DYSF: variants seen among roughly 807,000 people sequenced by gnomAD.
DYSF encodes dysferlin, also known as dystrophy-associated fer-1-like 1.
Under a neutral mutation model 274.9 loss-of-function variants are expected in DYSF, and 212 were observed. The ratio of observed to expected loss-of-function variants is 0.77; its 90% confidence interval spans 0.69 to 0.86. The LOEUF (loss-of-function observed/expected upper bound fraction) is 0.86. DYSF is among the 40% of genes least tolerant of loss of function. DYSF has a pLI of 0.00. For synonymous variants in DYSF, 1,091 were observed against 1,078.7 expected (o/e 1.01, Z -0.22); for missense variants, 2,666 against 2,783.2 (o/e 0.96, Z 0.95).
intron 22 of DYSF, among the ~76,000 whole-genome samples, chr2:71,561,396 AC>A (rs149073930): frequency 6.6e-6 from 1 of 151,942 alleles, no homozygotes; most frequent in Non-Finnish European, 1.5e-5. Flanking sequence ...CAGGAGCAGG[AC>A]CCCCTGGGCC....
In DYSF at chr2:71,456,070, C is replaced by A. The variant is rs546957710; in HGVS notation, c.88+1984C>A. ...GGCCTGTGTGTGGAGCAGCTCCCCC[C>A]ATCCTGCATCCTCCCATTTACACAT... is the stretch of plus-strand genomic sequence containing the variant. On this transcript the variant is annotated intron_variant, in intron 1 of 54. Coordinates refer to the DYSF transcript ENST00000258104. Among the ~76,000 whole-genome samples the A allele has an allele frequency of 2.0e-3, 302 of 152,264 alleles. 1 individual carries two copies. Among genetic ancestry groups the A allele is most frequent in the African/African-American group, 6.9e-3 (288 of 41,548 alleles).
chr2:71,574,236 C>T lies in DYSF; in HGVS notation c.3267C>T (p.Tyr1089=), dbSNP rs150355624. 1.8e-4 allele frequency: 296 copies of T among 1,613,906 alleles called. 2 individuals carry two copies. The East Asian group carries it at 4.0e-3, about 22-fold the overall frequency. Residue 1089 remains tyrosine, a synonymous_variant, in exon 30 of 56, where the codon TAC becomes TAT. Coordinates refer to ENST00000410020, the MANE Select transcript of DYSF (RefSeq NM_001130987.2). ...QAEAEGEGWE[Y]ASLFGWKFHL... ...AGGCGGAGGGCGAGGGCTGGGAGTA[C>T]GCCTCTCTTTTTGGCTGGAAGTTCC...
chr2:71,554,650 G>A (rs34733458), intron 21 of DYSF, among the ~76,000 whole-genome samples: 2 of 152,222 alleles, frequency 1.3e-5, no homozygotes, highest in African/African-American at 2.4e-5. Flanking sequence ...AGGCCTTGGT[G>A]GCCGACTGGA....
Position 71,667,399 on chromosome 2 carries a change from C to T in DYSF, c.5341C>T (p.His1781Tyr), listed in dbSNP as rs776911222. The change falls in exon 48 of 56, where the codon CAC becomes TAC. Residue 1781 changes from histidine (H) to tyrosine (Y), a missense_variant. By Grantham distance (83) the His-to-Tyr change is moderately conservative. This residue lies in a region of DYSF where 1,460 missense variants were observed against 1,502.1 expected (regional missense o/e 0.97). Coordinates refer to ENST00000410020, the MANE Select transcript of DYSF (RefSeq NM_001130987.2). ...EIEAGRIPNP[H>Y]LGPVEERLAL... ...AGAGGCTGGCAGGATCCCAAACCCACACCTGGGCCCAGTGGAGGAGCGTCT... is the reference window on the plus strand; with the variant it reads ...AGAGGCTGGCAGGATCCCAAACCCATACCTGGGCCCAGTGGAGGAGCGTCT... 6.2e-7 allele frequency: 1 copy of T among 1,614,146 alleles called. No individual in the cohort carries two copies. Among genetic ancestry groups the T allele is most frequent in the Non-Finnish European group, 8.5e-7 (1 of 1,180,042 alleles).
intron 1 of DYSF, among the ~76,000 whole-genome samples, chr2:71,458,420 A>C (rs2152628266): frequency 6.6e-6 from 1 of 152,300 alleles, no homozygotes. Context: ...CAGGCTGGAC[A>C]CAACAGGCCA....
chr2:71,654,668 CA>C (rs1486800620), intron 42 of DYSF, among the ~76,000 whole-genome samples: 1 of 151,902 alleles, frequency 6.6e-6, no homozygotes, highest in Non-Finnish European at 1.5e-5. Context: ...AAATGTTCAT[CA>C]TATCTTGTGA....
rs375397637 is a variant in DYSF, at chr2:71,513,342, G to A, written c.553+10G>A. The A allele has an allele frequency of 1.1e-3, 1,720 of 1,551,190 alleles. 2 individuals carry two copies. Among genetic ancestry groups the A allele is most frequent in the Non-Finnish European group, 1.4e-3 (1,555 of 1,146,656 alleles). ...TGGCCGGCCCCCACGGGTGAGACAC[G>A]GGCCAGGACTGTCCTGATCCCAGAC... On this transcript the variant is annotated intron_variant, in intron 6 of 55. Coordinates refer to ENST00000410020, the MANE Select transcript of DYSF (RefSeq NM_001130987.2).
At chr2:71,582,434 C>A (rs143161011) in intron 30 of DYSF, among the ~76,000 whole-genome samples, 7 of 152,080 alleles carry the variant, frequency 4.6e-5, no homozygotes, top group Non-Finnish European at 1.0e-4. Context: ...CTGAGGTAAC[C>A]GAGAAGCCAA....
rs1457503579 is a variant in DYSF, at chr2:71,528,356, G to T, written c.1335G>T (p.Lys445Asn). The T allele has an allele frequency of 6.2e-7, 1 of 1,614,216 alleles. No homozygotes were observed. The highest frequency in any genetic ancestry group is 8.5e-7 in the Non-Finnish European group (1 of 1,180,036). ...TCTTTGGCTTCGAGAGTAACAAGAA[G>T]AACTTGGTGGACCCCTTTGTGGAGG... ...KQIFGFESNKKNLVDPFVEVS... is the reference protein window; with the variant it reads ...KQIFGFESNKNNLVDPFVEVS... The change falls in exon 14 of 56, where the codon AAG becomes AAT. Residue 445 changes from lysine to asparagine, a missense_variant. Coordinates refer to ENST00000410020, the MANE Select transcript of DYSF (RefSeq NM_001130987.2).
rs533297432 is a variant in DYSF at position 71,516,126 on chromosome 2, T to TG, written c.889-52dup. The TG allele has an allele frequency of 6.1e-4, 952 of 1,558,728 alleles. 1 individual carries two copies. The highest frequency in any genetic ancestry group is 7.5e-4 in the Non-Finnish European group (842 of 1,129,374). ...TGGGGGTGGTGGTCCTCCCTCTCCC[T>TG]GGCCTGAGGGATCAGCAGGCACTGA... On this transcript the variant is annotated intron_variant, in intron 8 of 55. Transcript: ENST00000410020.
At chr2:71,527,718 T>G (rs2088110239) in intron 13 of DYSF, among the ~76,000 whole-genome samples, 1 of 152,228 alleles carries the variant, frequency 6.6e-6, no homozygotes, top group Non-Finnish European at 1.5e-5. Context: ...CACTCATATG[T>G]CTGTAAACAT....
intron 45 of DYSF, among the ~76,000 whole-genome samples, chr2:71,662,838 A>G (rs2094914314): frequency 9.3e-6 from 1 of 107,414 alleles, no homozygotes; most frequent in Non-Finnish European, 2.0e-5. Context: ...ATTTGTGTAT[A>G]TGTGTGTGTA....
At chr2:71,611,396 C>T in intron 37 of DYSF, 50 bp downstream of exon 37, 3 of 1,613,948 alleles carry the variant, frequency 1.9e-6, no homozygotes, top group Non-Finnish European at 2.5e-6. Context: ...CTGCCCTTCC[C>T]CTTCCTGGCC....
chr2:71,529,023 C>T (rs1453112429), intron 14 of DYSF, among the ~76,000 whole-genome samples: 1 of 152,100 alleles, frequency 6.6e-6, no homozygotes, highest in Non-Finnish European at 1.5e-5. Flanking sequence ...CAGAGAACTC[C>T]GTAGCTCTCC....
chr2:71,526,704 G>A (rs2087962513), intron 13 of DYSF, among the ~76,000 whole-genome samples: 1 of 152,220 alleles, frequency 6.6e-6, no homozygotes, highest in African/African-American at 2.4e-5. Flanking sequence ...GAGGAAGCCC[G>A]TCCTGCTAGT....
intron 1 of DYSF, among the ~76,000 whole-genome samples, chr2:71,461,607 AT>A (rs929588936): frequency 6.6e-6 from 1 of 152,222 alleles, no homozygotes. Flanking sequence ...ACCTGATCAT[AT>A]TTAAGATCAC....
At chr2:71,470,808 T>TG (rs1455615548) in intron 1 of DYSF, among the ~76,000 whole-genome samples, 12 of 140,232 alleles carry the variant, frequency 8.6e-5, no homozygotes, top group East Asian at 2.2e-4. Flanking sequence ...TTTTTTTTTT[T>TG]GAAATGGACT....
chr2:71,559,429 C>T (rs67396654), intron 22 of DYSF, among the ~76,000 whole-genome samples: 5,527 of 152,142 alleles, frequency 0.036, 133 homozygotes, highest in African/African-American at 0.074. Context: ...GTATCCCCAT[C>T]GTCTTCAAGC....
At position 71,644,088 on chromosome 2, in the gene DYSF, G is replaced by T. The variant is rs2094529702; in HGVS notation, c.4626+25G>T. 3.2e-6 allele frequency: 5 copies of T among 1,583,384 alleles called. No individual in the cohort carries two copies. In the African/African-American group the frequency reaches 4.0e-5, roughly 13 times the overall value. ...GGTAAGGCCTCTCTTCAGTCTGACA[G>T]TCGGTGTGTGTGTGCGTACTGGGCA... On this transcript the variant is annotated intron_variant, in intron 42 of 55. Transcript: ENST00000410020.
Sources: allele counts gnomAD v4.1 joint callset (sites outside exome capture counted in the v4.1 genomes callset), GRCh38; gene constraint gnomAD v4.1.1; regional missense constraint gnomAD v4.1.1; transcripts MANE v1.5; gene names NCBI Gene and HGNC (gene_info 2026-07-23, HGNC 2026-07-21).